Variants in INSL6 observed in about 807,000 individuals in gnomAD.
INSL6 encodes the protein insulin like 6.
A neutral mutation model predicts 9.4 loss-of-function variants in INSL6; 16 were observed. The observed-to-expected ratio is 1.70, with a 90% CI of 1.15 to 2.59. INSL6 has a LOEUF of 2.59. Ranked by LOEUF, INSL6 falls within the 30% of genes most tolerant of loss-of-function variation. The pLI is 0.00. For synonymous variants in INSL6, 154 were observed against 96.9 expected (o/e 1.59, Z -3.46); for missense variants, 391 against 257.3 (o/e 1.52, Z -3.56).
chr9:5,007,018 C>G, the INSL6 span, among the ~76,000 whole-genome samples: 1 of 152,024 alleles, frequency 6.6e-6, no homozygotes, highest in Admixed American at 6.6e-5. Context: ...GTTTTATCTT[C>G]TTTTTTTCTT....
chr9:5,151,185 G>A (rs1375670648), intron 2 of INSL6, among the ~76,000 whole-genome samples: 1 of 151,504 alleles, frequency 6.6e-6, no homozygotes, highest in African/African-American at 2.4e-5. Flanking sequence ...TCACCACTAT[G>A]CAATATATCC....
chr9:5,147,442 C>G (rs1316637817), intron 2 of INSL6, among the ~76,000 whole-genome samples: 1 of 152,162 alleles, frequency 6.6e-6, no homozygotes, highest in Non-Finnish European at 1.5e-5. Context: ...CTTTCAGTTG[C>G]CCCTGGAGGC....
intron 2 of INSL6, among the ~76,000 whole-genome samples, chr9:5,156,856 C>A (rs553485771): frequency 6.6e-6 from 1 of 151,734 alleles, no homozygotes; most frequent in Non-Finnish European, 1.5e-5. Context: ...ATACTAGCAA[C>A]AATGAAAACA....
In INSL6 at chr9:5,163,984, CAA is replaced by C; in HGVS notation, c.569_570del (p.Ile190SerfsTer7). On this transcript the variant is annotated frameshift_variant, in exon 2 of 2. Coordinates refer to ENST00000381641, the MANE Select transcript of INSL6 (RefSeq NM_007179.3). LOFTEE classifies it low-confidence loss of function (END_TRUNC). ...TTAAAATCAATATATGGAAGACATG[CAA>C]TGCTAAGTTCTTCTTTTGTACATCC... Reference protein sequence around the residue: ...LTGCTKEELSIACLPYIDFKR... With the variant: ...LTGCTKEELSXACLPYIDFKR... The C allele has an allele frequency of 6.2e-7, 1 of 1,612,420 alleles. No homozygotes were observed. Among genetic ancestry groups the C allele is most frequent in the Non-Finnish European group, 8.5e-7 (1 of 1,179,658 alleles).
At chr9:5,158,784 G>A (rs1047860902) in intron 2 of INSL6, among the ~76,000 whole-genome samples, 6 of 152,092 alleles carry the variant, frequency 3.9e-5, no homozygotes, top group African/African-American at 1.4e-4. Context: ...GGATGTTAAT[G>A]ACCAGGAAGA....
At chr9:5,175,807 C>T (rs537769996) in intron 1 of INSL6, among the ~76,000 whole-genome samples, 1 of 152,142 alleles carries the variant, frequency 6.6e-6, no homozygotes, top group African/African-American at 2.4e-5. Context: ...CTCCCATCAC[C>T]CCCAGATGGG....
intron 2 of INSL6, among the ~76,000 whole-genome samples, chr9:5,136,598 C>G (rs1385082824): frequency 6.6e-6 from 1 of 152,118 alleles, no homozygotes; most frequent in African/African-American, 2.4e-5. Flanking sequence ...TCTCAATAAA[C>G]TAGGTACTGA....
chr9:5,127,064 GA>G (rs927109232), intron 3 of INSL6: 13 of 260,284 alleles, frequency 5.0e-5, no homozygotes, highest in Admixed American at 1.6e-4. Flanking sequence ...TCTGGCAAAA[GA>G]AAAAAAATAG....
At chr9:5,120,813 ATAAT>A (rs1406971677), downstream of INSL6, among the ~76,000 whole-genome samples, 4 of 152,348 alleles carry the variant, frequency 2.6e-5, no homozygotes, top group South Asian at 4.1e-4. Flanking sequence ...TGCGTCAAAA[ATAAT>A]TAAGATTTTC....
the INSL6 span, chr9:5,069,095 C>T: frequency 6.2e-7 from 1 of 1,610,686 alleles, no homozygotes; most frequent in South Asian, 1.1e-5. Flanking sequence ...CTCAGTGGGA[C>T]AAAGAAGAAC....
intron 3 of INSL6, among the ~76,000 whole-genome samples, chr9:5,124,625 G>C (rs1310484397): frequency 6.6e-6 from 1 of 151,792 alleles, no homozygotes; most frequent in Non-Finnish European, 1.5e-5. Context: ...AAAGAACAAA[G>C]CTGGAAGCAT....
At chr9:5,059,654 CTCT>C in the INSL6 span, among the ~76,000 whole-genome samples, 1 of 152,120 alleles carries the variant, frequency 6.6e-6, no homozygotes, top group Non-Finnish European at 1.5e-5. Context: ...TATCAGTTCA[CTCT>C]TCTTTCAGTA....
chr9:5,164,695 T>C (rs1825008989), intron 1 of INSL6, among the ~76,000 whole-genome samples: 1 of 152,252 alleles, frequency 6.6e-6, no homozygotes, highest in African/African-American at 2.4e-5. Flanking sequence ...TTCTATGGAT[T>C]TGCCTATTCC....
intron 2 of INSL6, among the ~76,000 whole-genome samples, chr9:5,142,653 G>A (rs1018122261): frequency 2.0e-5 from 3 of 152,208 alleles, no homozygotes; most frequent in Non-Finnish European, 4.4e-5. Context: ...TACAAACAAA[G>A]ATAATCTGAC....
At chr9:5,009,891 C>T in the INSL6 span, among the ~76,000 whole-genome samples, 1 of 152,100 alleles carries the variant, frequency 6.6e-6, no homozygotes, top group Non-Finnish European at 1.5e-5. Flanking sequence ...CCATTTCAGC[C>T]TCCCAAGTAG....
the INSL6 span, among the ~76,000 whole-genome samples, chr9:5,070,490 C>T: frequency 1.1e-3 from 168 of 152,212 alleles, no homozygotes; most frequent in African/African-American, 3.8e-3. Flanking sequence ...TAAGTGGAAC[C>T]TGTGGATATG....
the INSL6 span, among the ~76,000 whole-genome samples, chr9:5,023,812 A>AT: frequency 1.3e-5 from 2 of 152,064 alleles, no homozygotes; most frequent in Non-Finnish European, 2.9e-5. Flanking sequence ...TCTTGACTAT[A>AT]TTGTAAAGTC....
chr9:5,080,726 T>C, the INSL6 span: 2 of 1,391,146 alleles, frequency 1.4e-6, no homozygotes, highest in South Asian at 1.5e-5. Flanking sequence ...GCTTTCTATC[T>C]TTATTGTATT....
At chr9:5,124,606 T>A (rs1469276160) in intron 3 of INSL6, among the ~76,000 whole-genome samples, 2 of 151,688 alleles carry the variant, frequency 1.3e-5, no homozygotes, top group Non-Finnish European at 1.5e-5. Flanking sequence ...CAAAAGCGAT[T>A]CTAAGCAAAA....
Sources: gnomAD v4.1 joint callset for allele counts (sites outside exome capture counted in the v4.1 genomes callset) on GRCh38, gnomAD v4.1.1 for gene constraint, MANE v1.5 for transcripts, NCBI Gene and HGNC (gene_info 2026-07-23, HGNC 2026-07-21) for gene names.